The following PCDH9 variants were observed in gnomAD, a reference collection of about 807,000 sequenced individuals.
The protein encoded by PCDH9 is protocadherin-9.
PCDH9 carries 24 observed loss-of-function variants against 70.6 expected under a neutral mutation model. That is an observed-to-expected ratio of 0.34 (90% confidence interval 0.25 to 0.48). PCDH9 has a LOEUF of 0.48. Among genes scored for constraint, PCDH9 ranks in the 20% least tolerant of loss-of-function variants. The probability of loss-of-function intolerance (pLI) is 0.99; values close to 1 mark genes in which losing one functional copy is unlikely to be tolerated. For synonymous variants in PCDH9, 562 were observed against 558.5 expected (o/e 1.01, Z -0.09); for missense variants, 1,281 against 1,503.6 (o/e 0.85, Z 2.45).
At chr13:67,124,509 A>G (rs540885845) in intron 2 of PCDH9, among the ~76,000 whole-genome samples, 1 of 152,284 alleles carries the variant, frequency 6.6e-6, no homozygotes, top group Admixed American at 6.5e-5. Flanking sequence ...TTTTGTAACA[A>G]GGTAGAAGGT....
At chr13:66,953,424 T>G (rs2083216385) in intron 2 of PCDH9, among the ~76,000 whole-genome samples, 1 of 152,224 alleles carries the variant, frequency 6.6e-6, no homozygotes, top group Admixed American at 6.5e-5. Flanking sequence ...GATTAAGCAC[T>G]CCACTCCTCT....
intron 3 of PCDH9, among the ~76,000 whole-genome samples, chr13:66,839,338 G>T (rs1009499226): frequency 6.6e-6 from 1 of 152,100 alleles, no homozygotes; most frequent in Admixed American, 6.5e-5. Flanking sequence ...TTTAAAAAAT[G>T]TATCCCCAAA....
intron 3 of PCDH9, among the ~76,000 whole-genome samples, chr13:66,791,944 T>C (rs979824759): frequency 2.6e-5 from 4 of 152,178 alleles, no homozygotes; most frequent in African/African-American, 7.2e-5. Flanking sequence ...CTGAAGTCAA[T>C]ACATAGTTAT....
intron 2 of PCDH9, among the ~76,000 whole-genome samples, chr13:67,163,993 A>G (rs1384159410): frequency 2.0e-5 from 3 of 152,172 alleles, no homozygotes; most frequent in African/African-American, 7.2e-5. Context: ...TTTATTGTAA[A>G]AATTAATTAG....
chr13:66,611,354 A>T (rs2077291831), intron 4 of PCDH9, among the ~76,000 whole-genome samples: 1 of 152,188 alleles, frequency 6.6e-6, no homozygotes, highest in African/African-American at 2.4e-5. Context: ...AGAAGAAATA[A>T]GTTTGTAAAG....
chr13:66,939,424 A>G (rs924319610), intron 2 of PCDH9, among the ~76,000 whole-genome samples: 14 of 148,130 alleles, frequency 9.5e-5, no homozygotes, highest in South Asian at 6.5e-4. Context: ...TTTAAAATAT[A>G]TGTGTGTGTG....
intron 2 of PCDH9, among the ~76,000 whole-genome samples, chr13:67,097,648 T>C (rs2086349556): frequency 6.6e-6 from 1 of 152,184 alleles, no homozygotes; most frequent in Non-Finnish European, 1.5e-5. Flanking sequence ...CTGTAATTAC[T>C]GATTTCAGTA....
intron 2 of PCDH9, among the ~76,000 whole-genome samples, chr13:67,020,880 A>G (rs1356274163): frequency 2.0e-5 from 3 of 152,170 alleles, no homozygotes; most frequent in Admixed American, 2.0e-4. Flanking sequence ...TGAGCCCACA[A>G]ATCTGAATAT....
intron 4 of PCDH9, among the ~76,000 whole-genome samples, chr13:66,544,831 C>T (rs1250689736): frequency 1.3e-5 from 2 of 152,050 alleles, no homozygotes; most frequent in African/African-American, 4.8e-5. Context: ...ACAATTAGAG[C>T]AGCTAGGGAT....
intron 3 of PCDH9, among the ~76,000 whole-genome samples, chr13:66,637,907 C>A (rs1285115948): frequency 3.0e-5 from 2 of 65,690 alleles, no homozygotes; most frequent in African/African-American, 8.9e-5. Context: ...GAGCAAGACT[C>A]CTTCTCAAAA....
intron 4 of PCDH9, among the ~76,000 whole-genome samples, chr13:66,515,500 C>A (rs190966402): frequency 6.6e-6 from 1 of 151,698 alleles, no homozygotes; most frequent in Admixed American, 6.6e-5. Context: ...TTATCATATA[C>A]GGTTTTAAAA....
intron 4 of PCDH9, among the ~76,000 whole-genome samples, chr13:66,623,889 T>G (rs949558709): frequency 6.6e-6 from 1 of 152,222 alleles, no homozygotes. Context: ...TATTAAATAT[T>G]AACCATAAAT....
intron 2 of PCDH9, among the ~76,000 whole-genome samples, chr13:67,039,985 G>A (rs1268673705): frequency 6.6e-6 from 1 of 151,656 alleles, no homozygotes; most frequent in Non-Finnish European, 1.5e-5. Context: ...AGAATTGGTT[G>A]GTGTGGAAAA....
chr13:66,503,817 A>G (rs898536492), intron 4 of PCDH9, among the ~76,000 whole-genome samples: 1 of 152,164 alleles, frequency 6.6e-6, no homozygotes, highest in Non-Finnish European at 1.5e-5. Context: ...GCAAACATTT[A>G]TTAACCACCC....
chr13:67,189,149 C>T (rs1322435742), intron 2 of PCDH9, among the ~76,000 whole-genome samples: 3 of 151,880 alleles, frequency 2.0e-5, no homozygotes, highest in Non-Finnish European at 2.9e-5. Flanking sequence ...AAGGAATACA[C>T]ACACACACAC....
intron 3 of PCDH9, among the ~76,000 whole-genome samples, chr13:66,808,534 T>C (rs1017967272): frequency 2.0e-5 from 3 of 152,030 alleles, no homozygotes; most frequent in African/African-American, 7.2e-5. Context: ...AAAAACAGAA[T>C]TAGCACACCG....
intron 2 of PCDH9, chr13:67,209,238 T>C (rs1393111199): frequency 6.6e-6 from 1 of 152,112 alleles, no homozygotes; most frequent in Admixed American, 6.6e-5. Flanking sequence ...GACCATAACA[T>C]AAGAAGAACA....
chr13:66,590,455 G>A (rs1233622820), intron 4 of PCDH9, among the ~76,000 whole-genome samples: 1 of 151,802 alleles, frequency 6.6e-6, no homozygotes, highest in East Asian at 1.9e-4. Flanking sequence ...ACTATGAATT[G>A]GTTGGTACAC....
chr13:66,487,706 A>G (rs1958967543), intron 4 of PCDH9, among the ~76,000 whole-genome samples: 1 of 152,158 alleles, frequency 6.6e-6, no homozygotes, highest in Admixed American at 6.6e-5. Flanking sequence ...AATCCCTATC[A>G]AGTTATGATT....
Sources: gnomAD v4.1 joint callset for allele counts (sites outside exome capture counted in the v4.1 genomes callset) on GRCh38, gnomAD v4.1.1 for gene constraint, MANE v1.5 for transcripts, NCBI Gene and HGNC (gene_info 2026-07-23, HGNC 2026-07-21) for gene names.